The following USH2A variants were observed in gnomAD, a reference collection of about 807,000 sequenced individuals.
USH2A encodes the protein usherin.
USH2A carries 443 observed loss-of-function variants against 538.9 expected under a neutral mutation model. That is an observed-to-expected ratio of 0.82 (90% confidence interval 0.76 to 0.89). The LOEUF is 0.89. Ranked by LOEUF, USH2A falls within the 40% of genes least tolerant of loss-of-function variation. The pLI, the probability that USH2A is intolerant of heterozygous loss-of-function variation, is 0.00. For synonymous variants in USH2A, 2,413 were observed against 2,273.5 expected, an observed-to-expected ratio of 1.06 and a Z score of -1.75; for missense variants, 6,633 against 6,324.8, an observed-to-expected ratio of 1.05 and a Z score of -1.65.
intron 21 of USH2A, among the ~76,000 whole-genome samples, chr1:216,108,173 A>T (rs1274269459): frequency 6.6e-6 from 1 of 151,826 alleles, no homozygotes; most frequent in African/African-American, 2.4e-5. Flanking sequence ...ACTATTCATG[A>T]TATACTAACT....
chr1:215,806,075 G>A (rs563746403), intron 49 of USH2A, among the ~76,000 whole-genome samples: 1 of 145,648 alleles, frequency 6.9e-6, no homozygotes, highest in East Asian at 2.0e-4. Context: ...CCTTGACATA[G>A]AAAGTGAGAA....
intron 14 of USH2A, among the ~76,000 whole-genome samples, chr1:216,230,347 A>G (rs975121733): frequency 6.6e-6 from 1 of 152,144 alleles, no homozygotes; most frequent in East Asian, 1.9e-4. Context: ...TTACTGTACC[A>G]TGCGCTTTGT....
chr1:215,679,055 G>A (rs1300487603), intron 62 of USH2A, among the ~76,000 whole-genome samples: 1 of 152,202 alleles, frequency 6.6e-6, no homozygotes, highest in Non-Finnish European at 1.5e-5. Flanking sequence ...CCAGGGGGGA[G>A]AAGTCTGGCT....
chr1:215,882,990 T>G (rs1395954195), intron 41 of USH2A, among the ~76,000 whole-genome samples: 1 of 152,182 alleles, frequency 6.6e-6, no homozygotes, highest in Non-Finnish European at 1.5e-5. Flanking sequence ...TACTACTTTC[T>G]TAAAAAGTTG....
chr1:215,889,432 G>T (rs1571784647), intron 40 of USH2A, among the ~76,000 whole-genome samples: 1 of 152,164 alleles, frequency 6.6e-6, no homozygotes, highest in Middle Eastern at 3.4e-3. Flanking sequence ...TAGAGCCCCA[G>T]TAACTAATTA....
chr1:216,217,655 T>G, intron 14 of USH2A, 105 bp from the exon 15 acceptor site: 1 of 1,326,796 alleles, frequency 7.5e-7, no homozygotes, highest in Non-Finnish European at 1.1e-6. Flanking sequence ...ACGGCTTGTT[T>G]TAGCCAATAT....
chr1:215,701,933 A>G (rs1659031374), intron 61 of USH2A, among the ~76,000 whole-genome samples: 1 of 151,946 alleles, frequency 6.6e-6, no homozygotes, highest in Non-Finnish European at 1.5e-5. Context: ...ACATTTTGGT[A>G]TGTTTCTGCA....
At chr1:215,693,092 A>ATGTG (rs60566275) in intron 61 of USH2A, among the ~76,000 whole-genome samples, 45,896 of 131,508 alleles carry the variant, frequency 0.35, 8,526 homozygotes, top group East Asian at 0.51. Flanking sequence ...ATATATATAT[A>ATGTG]TGTGTGTGTG....
At chr1:216,103,472 G>C (rs376063891) in intron 21 of USH2A, among the ~76,000 whole-genome samples, 2 of 152,182 alleles carry the variant, frequency 1.3e-5, no homozygotes, top group East Asian at 3.9e-4. Flanking sequence ...AAATTGTCAA[G>C]TAATAGCCAT....
At chr1:216,346,538 T>C (rs893834592) in intron 4 of USH2A, among the ~76,000 whole-genome samples, 7 of 152,092 alleles carry the variant, frequency 4.6e-5, no homozygotes, top group Non-Finnish European at 8.8e-5. Flanking sequence ...ATGGCAGTTA[T>C]GGAATACTTG....
At chr1:215,701,006 T>C (rs1658997151) in intron 61 of USH2A, among the ~76,000 whole-genome samples, 1 of 152,220 alleles carries the variant, frequency 6.6e-6, no homozygotes, top group Non-Finnish European at 1.5e-5. Context: ...TGGTATGTTG[T>C]ATCTTTGTTC....
intron 13 of USH2A, among the ~76,000 whole-genome samples, chr1:216,242,360 GA>G (rs910789468): frequency 2.2e-5 from 3 of 134,766 alleles, no homozygotes; most frequent in Non-Finnish European, 1.6e-5. Flanking sequence ...CATCTCAAAA[GA>G]AAAAAAAAGA....
In USH2A at chr1:216,251,090, T is replaced by C; in HGVS notation, c.1980A>G (p.Gly660=). The part of the protein sequence containing the change: ...NGSILCDQIG[G]QCNCKRHVSG... ...ACACGTGTCTCTTACAATTACACTG[T>C]CCTCCAATCTAGAGAAGATACAACA... Residue 660 remains glycine, a synonymous_variant, in exon 12 of 72, where the codon GGA becomes GGG. Transcript: ENST00000307340. 1 of 1,613,976 alleles carries C rather than the reference T, an allele frequency of 6.2e-7. No homozygotes were observed. The highest frequency in any genetic ancestry group is 1.1e-5 in the South Asian group (1 of 91,082).
intron 36 of USH2A, among the ~76,000 whole-genome samples, chr1:215,970,028 C>T (rs480751): frequency 0.41 from 61,520 of 151,890 alleles, 12,658 homozygotes; most frequent in Non-Finnish European, 0.44. Flanking sequence ...GAATAGAAAA[C>T]ATAATCTTGT....
intron 61 of USH2A, among the ~76,000 whole-genome samples, chr1:215,699,447 T>C (rs1173381555): frequency 1.3e-5 from 2 of 152,220 alleles, no homozygotes; most frequent in Admixed American, 1.3e-4. Context: ...TTCCTATCCA[T>C]GAGCATGGAA....
chr1:216,416,611 C>T (rs2039580469), intron 3 of USH2A, among the ~76,000 whole-genome samples: 1 of 152,084 alleles, frequency 6.6e-6, no homozygotes, highest in African/African-American at 2.4e-5. Flanking sequence ...TTTGCCTAAA[C>T]TAGTAAATGA....
At chr1:216,285,325 T>C (rs938551385) in intron 11 of USH2A, among the ~76,000 whole-genome samples, 3 of 152,192 alleles carry the variant, frequency 2.0e-5, no homozygotes, top group African/African-American at 7.2e-5. Context: ...CAGCTCAGAC[T>C]ATTGCATCAG....
Position 216,384,124 on chromosome 1 carries a change from T to G in USH2A, c.652-19039A>C, listed in dbSNP as rs1272659451. 2.6e-5 allele frequency among the ~76,000 whole-genome samples: 4 copies of G among 151,880 alleles called. No homozygotes were observed. The East Asian group carries it at 7.7e-4, about 29-fold the overall frequency. ...TGATTTTCCTTCTCTGCCTATGCTT[T>G]CTTTCTTTTTTTATAACTATGACAT... On this transcript the variant is annotated intron_variant, in intron 3 of 71. Coordinates refer to ENST00000307340, the MANE Select transcript of USH2A (RefSeq NM_206933.4).
At chr1:215,943,773 T>C (rs17025683) in intron 37 of USH2A, among the ~76,000 whole-genome samples, 4,877 of 152,284 alleles carry the variant, frequency 0.032, 120 homozygotes, top group South Asian at 0.083. Flanking sequence ...TGGTCTGGGC[T>C]ATGTTATTTG....
Sources: gnomAD v4.1 joint callset for allele counts (sites outside exome capture counted in the v4.1 genomes callset) on GRCh38, gnomAD v4.1.1 for gene constraint, MANE v1.5 for transcripts, NCBI Gene and HGNC (gene_info 2026-07-23, HGNC 2026-07-21) for gene names.